The following TMEM255A variants were observed in gnomAD, a reference collection of about 807,000 sequenced individuals.
The protein encoded by TMEM255A is family with sequence similarity 70, member A.
Under a neutral mutation model 23.5 loss-of-function variants are expected in TMEM255A, and 14 were observed. The observed-to-expected ratio is 0.60, with a 90% CI of 0.39 to 0.93. TMEM255A has a LOEUF of 0.93. TMEM255A is among the 40% of genes least tolerant of loss of function. The pLI, the probability that TMEM255A is intolerant of heterozygous loss-of-function variation, is 0.00. For synonymous variants in TMEM255A, 104 were observed against 100.3 expected, an observed-to-expected ratio of 1.04 and a Z score of -0.22; for missense variants, 233 against 261.7, an observed-to-expected ratio of 0.89 and a Z score of 0.76.
chrX:120,287,251 G>T lies in TMEM255A; in HGVS notation c.355-29C>A, dbSNP rs199941358. 2,308 of 1,158,457 alleles carry T rather than the reference G, an allele frequency of 2.0e-3. 7 individuals are homozygous for T. Among genetic ancestry groups the T allele is most frequent in the Middle Eastern group, 7.6e-3 (32 of 4,199 alleles). ...AAAAGGGAAACACCAAAACAAAGGGGTTTTGACTTTGGAAAATAAAACAGC... is the reference window on the plus strand; with the variant it reads ...AAAAGGGAAACACCAAAACAAAGGGTTTTTGACTTTGGAAAATAAAACAGC... On this transcript the variant is annotated intron_variant, in intron 4 of 8. Coordinates refer to ENST00000371369, the MANE Select transcript of TMEM255A (RefSeq NM_001104544.3).
chrX:120,274,117 AT>A (rs781985361), intron 7 of TMEM255A, among the ~76,000 whole-genome samples: 14 of 112,480 alleles, frequency 1.2e-4, no homozygotes, highest in African/African-American at 3.6e-4. Flanking sequence ...AGGTAGATGA[AT>A]TTTAAAAACA....
At chrX:120,276,036 T>C (rs1473327786) in intron 7 of TMEM255A, among the ~76,000 whole-genome samples, 2 of 110,336 alleles carry the variant, frequency 1.8e-5, no homozygotes, top group East Asian at 5.7e-4. Context: ...GCTTAGTCAA[T>C]CCTCCTGTCT....
At chrX:120,281,176 T>G (rs1211262118) in intron 6 of TMEM255A, among the ~76,000 whole-genome samples, 1 of 112,414 alleles carries the variant, frequency 8.9e-6, no homozygotes, top group Non-Finnish European at 1.9e-5. Flanking sequence ...CATTCCTTTG[T>G]GTCTCTCTCA....
intron 4 of TMEM255A, among the ~76,000 whole-genome samples, chrX:120,289,662 CTT>C (rs1356030482): frequency 1.8e-5 from 2 of 111,757 alleles, no homozygotes; most frequent in African/African-American, 6.5e-5. Flanking sequence ...CAGTTATACT[CTT>C]AGGTAGAAAG....
At chrX:120,309,175 G>C (rs1414932336) in intron 1 of TMEM255A, among the ~76,000 whole-genome samples, 1 of 112,592 alleles carries the variant, frequency 8.9e-6, no homozygotes, top group East Asian at 2.8e-4. Context: ...GAAACCCAGC[G>C]TTAGCACTGG....
chrX:120,296,778 ATATATCATATAT>A (rs1569339588), intron 2 of TMEM255A, among the ~76,000 whole-genome samples: 347 of 8,528 alleles, frequency 0.041, 36 homozygotes, highest in African/African-American at 0.12. Flanking sequence ...TAAATATATT[ATATATCATATAT>A]AATATATATG....
At chrX:120,290,332 G>A (rs1048166127) in intron 4 of TMEM255A, among the ~76,000 whole-genome samples, 17 of 111,954 alleles carry the variant, frequency 1.5e-4, no homozygotes, top group Non-Finnish European at 3.2e-4. Context: ...GACTGCCTCA[G>A]AGTGAATACT....
Position 120,260,760 on chromosome X carries a change from GTA to G in TMEM255A, c.*108_*109del. 9.6e-7 allele frequency: 1 copy of G among 1,042,370 alleles called. No homozygotes were observed. 85.9% of individuals were successfully genotyped at this position (1,042,370 alleles called of 1,213,427 possible). ...TCTTTCCCTAGCCTGGCAGGCCATT[GTA>G]AAACTTTATGCATAAGAGTCACACT... On this transcript the variant is annotated 3_prime_UTR_variant, in exon 9 of 9. Coordinates refer to ENST00000371369, the MANE Select transcript of TMEM255A (RefSeq NM_001104544.3).
the TMEM255A span, chrX:120,253,640 A>G: frequency 1.6e-6 from 2 of 1,212,287 alleles, no homozygotes; most frequent in East Asian, 5.9e-5. Context: ...TTATAAGAGC[A>G]GAGATCTTTG....
chrX:120,304,710 A>T (rs782490697), intron 1 of TMEM255A, among the ~76,000 whole-genome samples: 2 of 111,658 alleles, frequency 1.8e-5, no homozygotes, highest in South Asian at 7.5e-4. Context: ...CCAATTTGAA[A>T]ATAAACAACA....
In TMEM255A at chrX:120,259,974, A is replaced by G. The variant is rs2057665882; in HGVS notation, c.*896T>C. On this transcript the variant is annotated 3_prime_UTR_variant, in exon 9 of 9. Coordinates refer to ENST00000371369, the MANE Select transcript of TMEM255A (RefSeq NM_001104544.3). ...CGTGCGGATTGCTGGGGTTAAGCAC[A>G]ATATTTGAAGATTAAATAGTCACAA... 4 of 238,486 alleles carry G rather than the reference A, an allele frequency of 1.7e-5. No individual in the cohort carries two copies. Among genetic ancestry groups the G allele is most frequent in the Non-Finnish European group, 2.4e-5 (4 of 167,679 alleles). The allele number at this position is 238,486 out of a possible 1,213,427, so 19.7% of individuals were successfully genotyped here. A position where few individuals can be genotyped will look rare whatever the true frequency, so the allele number is the denominator to read the frequency against.
Position 120,281,025 on chromosome X carries a change from A to C in TMEM255A, c.513-3978T>G, listed in dbSNP as rs141475384. Reference sequence around the variant, plus strand: ...GGCACTTTGTATATATCAATAATTCAGTTATTTATTTAATCTAATATGTGT... The same window carrying C: ...GGCACTTTGTATATATCAATAATTCCGTTATTTATTTAATCTAATATGTGT... On this transcript the variant is annotated intron_variant, in intron 6 of 8. Coordinates refer to ENST00000371369, the MANE Select transcript of TMEM255A (RefSeq NM_001104544.3). 5.3e-3 allele frequency among the ~76,000 whole-genome samples: 600 copies of C among 112,349 alleles called. 5 individuals are homozygous for C. The highest frequency in any genetic ancestry group is 7.0e-3 in the Non-Finnish European group (371 of 53,244).
chrX:120,292,204 C>G (rs1327202579), intron 3 of TMEM255A, among the ~76,000 whole-genome samples: 1 of 111,188 alleles, frequency 9.0e-6, no homozygotes, highest in African/African-American at 3.3e-5. Context: ...CTACCCTATT[C>G]TCTAATTGTG....
chrX:120,288,527 A>G (rs1233868251), intron 4 of TMEM255A, among the ~76,000 whole-genome samples: 1 of 112,349 alleles, frequency 8.9e-6, no homozygotes, highest in African/African-American at 3.2e-5. Context: ...CTGGTTTTGC[A>G]AAAAGCATTC....
At chrX:120,255,760 C>T, downstream of TMEM255A, 1 of 211,636 alleles carries the variant, frequency 4.7e-6, no homozygotes, top group East Asian at 1.1e-4. Context: ...GAGTTATTAG[C>T]ATACCCTAGT....
intron 6 of TMEM255A, among the ~76,000 whole-genome samples, chrX:120,279,842 T>C (rs2057824669): frequency 8.9e-6 from 1 of 111,855 alleles, no homozygotes; most frequent in Admixed American, 9.4e-5. Flanking sequence ...TAGCTACATT[T>C]TGTTCCTTCT....
chrX:120,306,731 C>G (rs888398329), intron 1 of TMEM255A, among the ~76,000 whole-genome samples: 22 of 112,255 alleles, frequency 2.0e-4, no homozygotes, highest in African/African-American at 6.8e-4. Flanking sequence ...TTTGCCTGCT[C>G]CTTCCCCACC....
At chrX:120,261,128 TA>T in intron 8 of TMEM255A, 100 bp from the exon 9 acceptor site, 1 of 1,034,174 alleles carries the variant, frequency 9.7e-7, no homozygotes, top group Non-Finnish European at 1.3e-6. Flanking sequence ...GCTTTTTTTC[TA>T]TTTGGAAGAA....
intron 3 of TMEM255A, among the ~76,000 whole-genome samples, 174 bp downstream of exon 3, chrX:120,293,815 T>C (rs1556023468): frequency 8.9e-6 from 1 of 112,107 alleles, no homozygotes; most frequent in Non-Finnish European, 1.9e-5. Context: ...TGAGAACCAA[T>C]CCCATATCAC....
Sources: allele counts gnomAD v4.1 joint callset (sites outside exome capture counted in the v4.1 genomes callset), GRCh38; gene constraint gnomAD v4.1.1; transcripts MANE v1.5; gene names NCBI Gene and HGNC (gene_info 2026-07-23, HGNC 2026-07-21).